The following KIF7 variants were observed in gnomAD, a reference collection of about 807,000 sequenced individuals.
KIF7 encodes the protein kinesin-like protein KIF7.
Under a neutral mutation model 135.7 loss-of-function variants are expected in KIF7, and 104 were observed. The ratio of observed to expected loss-of-function variants is 0.77; its 90% CI spans 0.65 to 0.90. KIF7 has a LOEUF of 0.90. Among genes scored for constraint, KIF7 ranks in the 40% least tolerant of loss-of-function variants. The probability of loss-of-function intolerance (pLI) is 0.00; values close to 1 mark genes in which losing one functional copy is unlikely to be tolerated. For missense variants in KIF7, 2,005 were observed against 1,839.1 expected (o/e 1.09, Z -1.65); for synonymous variants, 883 against 809.4 (o/e 1.09, Z -1.54).
intron 17 of KIF7, 124 bp from the exon 18 acceptor site, chr15:89,629,246 A>AGGGCTGTAGGTGCAG: frequency 9.8e-7 from 1 of 1,016,288 alleles, no homozygotes; most frequent in Non-Finnish European, 1.3e-6. Context: ...CCGGGCCACC[A>AGGGCTGTAGGTGCAG]GGGCTGTAGG....
chr15:89,651,389 C>T (rs746073435), intron 2 of KIF7, among the ~76,000 whole-genome samples: 20 of 152,088 alleles, frequency 1.3e-4, no homozygotes, highest in African/African-American at 1.9e-4. Flanking sequence ...TGAGCCACCA[C>T]GCCCGGCTCA....
At chr15:89,642,462 T>C in intron 10 of KIF7, 57 bp from the exon 11 acceptor site, 2 of 1,482,522 alleles carry the variant, frequency 1.3e-6, no homozygotes, top group South Asian at 2.5e-5. Flanking sequence ...GAGGGCCAGC[T>C]GTTTGTCCCC....
At chr15:89,633,964 G>C (rs1008585490) in intron 11 of KIF7, 81 bp from the exon 12 acceptor site, 9 of 1,479,486 alleles carry the variant, frequency 6.1e-6, no homozygotes, top group Non-Finnish European at 7.5e-6. Context: ...AACAAGGGCA[G>C]GCAGATAGAG....
At chr15:89,623,229 G>A (rs1019084564), downstream of KIF7, among the ~76,000 whole-genome samples, 42 of 152,230 alleles carry the variant, frequency 2.8e-4, no homozygotes, top group African/African-American at 9.9e-4. Context: ...GTTGAATGAG[G>A]GTGAGCAGCA....
chr15:89,630,562 C>A (rs958588270), intron 15 of KIF7, 69 bp from the exon 16 acceptor site: 2 of 1,291,904 alleles, frequency 1.5e-6, no homozygotes, highest in African/African-American at 2.9e-5. Flanking sequence ...GGCAGACATG[C>A]AACAGCCAAC....
chr15:89,640,119 A>G (rs1963890212), intron 11 of KIF7, among the ~76,000 whole-genome samples: 1 of 151,110 alleles, frequency 6.6e-6, no homozygotes, highest in Non-Finnish European at 1.5e-5. Context: ...AGGAAGGGGA[A>G]CATCACACTC....
intron 6 of KIF7, among the ~76,000 whole-genome samples, chr15:89,647,366 C>G (rs1964033395): frequency 1.3e-5 from 2 of 152,140 alleles, no homozygotes; most frequent in Non-Finnish European, 1.5e-5. Flanking sequence ...TCCCCTCTCC[C>G]GTCCAAGCTC....
chr15:89,635,661 GA>G (rs1358511292), intron 11 of KIF7, among the ~76,000 whole-genome samples: 1 of 152,220 alleles, frequency 6.6e-6, no homozygotes, highest in Non-Finnish European at 1.5e-5. Context: ...AAGCCTCCAA[GA>G]AATATGGGAC....
Position 89,633,126 on chromosome 15 carries a change from A to C in KIF7, c.2718+15T>G, listed in dbSNP as rs763741081. 6.9e-6 allele frequency: 11 copies of C among 1,601,762 alleles called. No homozygotes were observed. On this transcript the variant is annotated intron_variant, in intron 13 of 18. Transcript: ENST00000394412. ...CCCCAGGGGAGCCCTGGGTGCGGAC[A>C]CAGCCTGGCCCCACCTGCTGCTGTT...
At chr15:89,625,786 G>C (rs747284999), downstream of KIF7, 2 of 1,593,664 alleles carry the variant, frequency 1.3e-6, no homozygotes, top group Middle Eastern at 1.7e-4. Context: ...GTTTGTTTCC[G>C]GTGAGTTCGT....
chr15:89,637,589 C>T (rs1489409415), intron 11 of KIF7, among the ~76,000 whole-genome samples: 178 of 149,456 alleles, frequency 1.2e-3, no homozygotes, highest in African/African-American at 4.0e-3. Context: ...ATAAATTCCT[C>T]GACACATACA....
intron 11 of KIF7, among the ~76,000 whole-genome samples, chr15:89,634,897 G>A (rs1378338449): frequency 2.0e-5 from 3 of 152,216 alleles, no homozygotes; most frequent in African/African-American, 7.2e-5. Flanking sequence ...CAAAAAGACA[G>A]CAGTAACCTC....
chr15:89,623,891 G>C (rs762234007), downstream of KIF7: 2 of 1,613,792 alleles, frequency 1.2e-6, no homozygotes, highest in Non-Finnish European at 1.7e-6. Flanking sequence ...AAGACACCAA[G>C]AACTCCTAAG....
chr15:89,624,033 C>A, downstream of KIF7: 1 of 1,614,024 alleles, frequency 6.2e-7, no homozygotes, highest in Middle Eastern at 1.6e-4. Context: ...GAGAGTGTCT[C>A]ACTCCCATCA....
Position 89,646,970 on chromosome 15 carries a change from G to A in KIF7, c.1648C>T (p.Leu550Phe), listed in dbSNP as rs763388257. Residue 550 changes from leucine to phenylalanine, a missense_variant, in exon 7 of 19, where the codon CTC becomes TTC. Transcript: ENST00000394412. ...GACCCGGGAGGCAGGCCATTCAGGA[G>A]CCGCGGGCCCCCCCAGCCTGGCCGC... ...LVRPGWGGPR[L>F]LNGLPPGSFV... 1.9e-6 allele frequency: 3 copies of A among 1,613,310 alleles called. No homozygotes were observed. In the South Asian group the frequency reaches 3.3e-5, roughly 18 times the overall value.
chr15:89,619,265 G>A (rs1468154496), intron 1 of KIF7, among the ~76,000 whole-genome samples: 5 of 106,664 alleles, frequency 4.7e-5, no homozygotes, highest in African/African-American at 7.5e-5. Flanking sequence ...TTGCTCTGTC[G>A]CCCAGGCTGG....
Position 89,643,713 on chromosome 15 carries a change from C to T in KIF7, c.2191+1300G>A, listed in dbSNP as rs1013130828. Among the ~76,000 whole-genome samples the T allele has an allele frequency of 5.9e-5, 9 of 152,044 alleles. No homozygotes were observed. The South Asian group carries it at 6.2e-4, about 11-fold the overall frequency. ...CATCCTGGCCAACATGGTGAAACCC[C>T]GTCTCTACTAAAAATACAAAAATTA... On this transcript the variant is annotated intron_variant, in intron 10 of 18. Transcript: ENST00000394412.
intron 11 of KIF7, among the ~76,000 whole-genome samples, chr15:89,639,200 C>G (rs1963870560): frequency 6.6e-6 from 1 of 152,168 alleles, no homozygotes; most frequent in Non-Finnish European, 1.5e-5. Context: ...AGAAGAAAAC[C>G]TAGGCATTAC....
chr15:89,625,275 T>C (rs542689166), downstream of KIF7: 19 of 1,613,832 alleles, frequency 1.2e-5, no homozygotes, highest in East Asian at 3.1e-4. Flanking sequence ...GCCCTTCTAG[T>C]ACCCCCTCTC....
Sources: allele counts gnomAD v4.1 joint callset (sites outside exome capture counted in the v4.1 genomes callset), GRCh38; gene constraint gnomAD v4.1.1; transcripts MANE v1.5; gene names NCBI Gene and HGNC (gene_info 2026-07-23, HGNC 2026-07-21).